The following BTBD9 variants were observed in gnomAD, a reference collection of about 807,000 sequenced individuals.
BTBD9 encodes the protein BTB domain containing 9, also known as BTB/POZ domain-containing protein 9.
A neutral mutation model predicts 64.3 loss-of-function variants in BTBD9; 49 were observed. The ratio of observed to expected loss-of-function variants is 0.76; its 90% CI spans 0.61 to 0.97. BTBD9 has a LOEUF of 0.97. Ranked by LOEUF, BTBD9 falls within the 50% of genes least tolerant of loss-of-function variation. The probability of loss-of-function intolerance (pLI) is 0.00; values close to 1 mark genes in which losing one functional copy is unlikely to be tolerated. For missense variants in BTBD9, 598 were observed against 762.1 expected (o/e 0.78, Z 2.53); for synonymous variants, 260 against 274.7 (o/e 0.95, Z 0.53).
At chr6:38,427,850 G>A (rs1768244773) in intron 6 of BTBD9, among the ~76,000 whole-genome samples, 1 of 151,948 alleles carries the variant, frequency 6.6e-6, no homozygotes, top group African/African-American at 2.4e-5. Flanking sequence ...TACCTGTACT[G>A]TGTTAACTAG....
intron 6 of BTBD9, among the ~76,000 whole-genome samples, chr6:38,576,721 A>G (rs2814894): frequency 0.7 from 105,954 of 151,950 alleles, 38,235 homozygotes; most frequent in African/African-American, 0.9. Flanking sequence ...CTTCCTGAGC[A>G]AACAAACTAA....
chr6:38,291,017 G>A (rs1416072153), intron 7 of BTBD9, among the ~76,000 whole-genome samples: 1 of 152,038 alleles, frequency 6.6e-6, no homozygotes, highest in Non-Finnish European at 1.5e-5. Flanking sequence ...TGTTTTCTTT[G>A]CCATTACAAA....
At chr6:38,418,580 T>C (rs1429629550) in intron 6 of BTBD9, among the ~76,000 whole-genome samples, 1 of 152,254 alleles carries the variant, frequency 6.6e-6, no homozygotes, top group African/African-American at 2.4e-5. Flanking sequence ...TTTCTCCTTA[T>C]GGCAGTATTG....
intron 4 of BTBD9, chr6:38,588,324 T>C: frequency 3.1e-6 from 3 of 980,230 alleles, no homozygotes; most frequent in Non-Finnish European, 5.0e-6. Flanking sequence ...AAATTTATAC[T>C]ACCCAAACTT....
intron 6 of BTBD9, among the ~76,000 whole-genome samples, chr6:38,370,024 T>C (rs1444539569): frequency 6.6e-6 from 1 of 152,226 alleles, no homozygotes; most frequent in African/African-American, 2.4e-5. Flanking sequence ...GTCCCTATTC[T>C]GGTCTCTAAT....
At chr6:38,176,954 C>G (rs76754614) in intron 10 of BTBD9, among the ~76,000 whole-genome samples, 11 of 152,186 alleles carry the variant, frequency 7.2e-5, no homozygotes, top group South Asian at 2.1e-4. Context: ...ACACCCCCCC[C>G]ACTAAAGCTT....
At chr6:38,378,106 G>A (rs1039827272) in intron 6 of BTBD9, among the ~76,000 whole-genome samples, 3 of 152,216 alleles carry the variant, frequency 2.0e-5, no homozygotes, top group East Asian at 1.9e-4. Flanking sequence ...AGTGGAGGAC[G>A]ACTCTCGGGG....
chr6:38,278,406 T>C (rs183630484), intron 8 of BTBD9, among the ~76,000 whole-genome samples: 56 of 152,344 alleles, frequency 3.7e-4, no homozygotes, highest in Admixed American at 2.9e-3. Flanking sequence ...GTAAAACAAA[T>C]GTAAAGTCTC....
intron 9 of BTBD9, among the ~76,000 whole-genome samples, chr6:38,249,281 C>T (rs1333861472): frequency 6.6e-6 from 1 of 152,024 alleles, no homozygotes; most frequent in Admixed American, 6.6e-5. Flanking sequence ...TTGAGACAGG[C>T]TCTTGTTCTG....
intron 8 of BTBD9, among the ~76,000 whole-genome samples, chr6:38,287,178 T>G (rs1019611680): frequency 6.8e-6 from 1 of 146,446 alleles, no homozygotes; most frequent in African/African-American, 2.6e-5. Flanking sequence ...TTTAAAAGTC[T>G]ACAGTACAGT....
chr6:38,304,094 C>T (rs1481137873), intron 7 of BTBD9, among the ~76,000 whole-genome samples: 1 of 151,452 alleles, frequency 6.6e-6, no homozygotes, highest in Non-Finnish European at 1.5e-5. Flanking sequence ...ACTCCACACA[C>T]TCACATGTAT....
chr6:38,570,032 G>A (rs960150906), intron 6 of BTBD9, among the ~76,000 whole-genome samples: 1 of 152,078 alleles, frequency 6.6e-6, no homozygotes. Context: ...GAGAACTAAG[G>A]GGCAGGAAAA....
chr6:38,294,585 A>C (rs1460914169), intron 7 of BTBD9, among the ~76,000 whole-genome samples: 3 of 152,140 alleles, frequency 2.0e-5, no homozygotes, highest in Non-Finnish European at 4.4e-5. Flanking sequence ...TCTCACTCAT[A>C]AGTGGGAGTT....
chr6:38,224,813 A>G (rs983516179), intron 9 of BTBD9, among the ~76,000 whole-genome samples: 2 of 152,234 alleles, frequency 1.3e-5, no homozygotes, highest in Non-Finnish European at 1.5e-5. Flanking sequence ...CTTAACGTGG[A>G]GCTTGTTTCA....
chr6:38,609,396 G>C (rs945082198), intron 1 of BTBD9, among the ~76,000 whole-genome samples: 2 of 151,996 alleles, frequency 1.3e-5, no homozygotes, highest in Non-Finnish European at 2.9e-5. Flanking sequence ...AGTCCAAGAA[G>C]TCCATGTCTC....
chr6:38,496,454 G>T (rs1771957976), intron 6 of BTBD9, among the ~76,000 whole-genome samples: 1 of 151,870 alleles, frequency 6.6e-6, no homozygotes, highest in African/African-American at 2.4e-5. Flanking sequence ...ACCAGCCTGA[G>T]TAACACAGGG....
In BTBD9 at chr6:38,587,741, A is replaced by G. The variant is rs1187111762; in HGVS notation, c.814+4835T>C. The G allele has an allele frequency of 4.4e-6, 3 of 681,770 alleles. No individual in the cohort carries two copies. The East Asian group carries it at 9.0e-5, about 20-fold the overall frequency. 42.2% of individuals were successfully genotyped at this position (681,770 alleles called of 1,614,324 possible). ...GGACCTTCCACTAATATTCCTGAAAATGTTACTGTGAATGGTAGGGAAGAA... is the reference window on the plus strand; with the variant it reads ...GGACCTTCCACTAATATTCCTGAAAGTGTTACTGTGAATGGTAGGGAAGAA... On this transcript the variant is annotated intron_variant, in intron 4 of 10. Coordinates refer to ENST00000481247, the MANE Select transcript of BTBD9 (RefSeq NM_001099272.2).
intron 6 of BTBD9, among the ~76,000 whole-genome samples, chr6:38,389,982 G>A (rs549724715): frequency 6.8e-4 from 103 of 152,226 alleles, no homozygotes; most frequent in Admixed American, 1.8e-3. Context: ...ATATATTCTA[G>A]TGGTAATTAT....
chr6:38,438,382 G>A (rs909811748), intron 6 of BTBD9, among the ~76,000 whole-genome samples: 1 of 152,188 alleles, frequency 6.6e-6, no homozygotes, highest in African/African-American at 2.4e-5. Flanking sequence ...TGGAGAAATG[G>A]TACAAGGTGC....
Sources: gnomAD v4.1 joint callset for allele counts (sites outside exome capture counted in the v4.1 genomes callset) on GRCh38, gnomAD v4.1.1 for gene constraint, MANE v1.5 for transcripts, NCBI Gene and HGNC (gene_info 2026-07-23, HGNC 2026-07-21) for gene names.